UBR3: variants seen among roughly 807,000 people sequenced by gnomAD.
The protein encoded by UBR3 is E3 ubiquitin-protein ligase UBR3.
Under a neutral mutation model 243.2 loss-of-function variants are expected in UBR3, and 85 were observed. The ratio of observed to expected loss-of-function variants is 0.35; its 90% CI spans 0.29 to 0.42. The LOEUF is 0.42. Ranked by LOEUF, UBR3 falls within the 10% of genes least tolerant of loss-of-function variation. UBR3 has a pLI of 1.00. For missense variants in UBR3, 1,686 were observed against 2,300.8 expected (o/e 0.73, Z 5.47); for synonymous variants, 748 against 799.8 (o/e 0.94, Z 1.09).
intron 24 of UBR3, among the ~76,000 whole-genome samples, chr2:169,971,887 C>A (rs1223784165): frequency 6.6e-6 from 1 of 152,090 alleles, no homozygotes; most frequent in African/African-American, 2.4e-5. Context: ...CATTCAAAAG[C>A]TAACAGAAGG....
intron 35 of UBR3, among the ~76,000 whole-genome samples, chr2:170,070,271 C>CAA (rs1378540284): frequency 6.6e-6 from 1 of 152,004 alleles, no homozygotes; most frequent in East Asian, 1.9e-4. Context: ...TTTCATTTGT[C>CAA]AAAGAAAAGC....
chr2:169,958,724 T>G (rs1574286649), intron 24 of UBR3, among the ~76,000 whole-genome samples, 198 bp downstream of exon 24: 1 of 152,206 alleles, frequency 6.6e-6, no homozygotes, highest in East Asian at 1.9e-4. Context: ...TAGCTGTAAT[T>G]GTTAGGAAGT....
chr2:169,905,887 G>A (rs150478347), intron 9 of UBR3, 144 bp from the exon 10 acceptor site: 3 of 836,502 alleles, frequency 3.6e-6, no homozygotes, highest in Non-Finnish European at 4.9e-6. Flanking sequence ...TTCATTTTTA[G>A]TAATTTACTT....
intron 23 of UBR3, among the ~76,000 whole-genome samples, chr2:169,952,775 A>G (rs1221662001): frequency 6.6e-6 from 1 of 151,992 alleles, no homozygotes; most frequent in Non-Finnish European, 1.5e-5. Flanking sequence ...AGAATTCCTA[A>G]ATTGGAGTTA....
intron 11 of UBR3, among the ~76,000 whole-genome samples, chr2:169,915,483 G>A (rs192782845): frequency 1.5e-4 from 23 of 152,252 alleles, no homozygotes; most frequent in Non-Finnish European, 2.8e-4. Flanking sequence ...TGATTCACCC[G>A]CCTCAGCCTC....
intron 24 of UBR3, among the ~76,000 whole-genome samples, chr2:169,967,273 C>CA (rs527994143): frequency 0.031 from 4,558 of 146,172 alleles, 90 homozygotes; most frequent in Middle Eastern, 0.055. Context: ...CCGCCCCCCC[C>CA]CACACACAGT....
intron 5 of UBR3, among the ~76,000 whole-genome samples, chr2:169,890,567 G>GTATATA (rs1314543784): frequency 8.4e-5 from 5 of 59,536 alleles, no homozygotes; most frequent in African/African-American, 3.9e-4. Flanking sequence ...ATATATATGT[G>GTATATA]TATATATATA....
At chr2:169,906,569 A>G (rs2085017733) in intron 10 of UBR3, among the ~76,000 whole-genome samples, 1 of 151,894 alleles carries the variant, frequency 6.6e-6, no homozygotes, top group African/African-American at 2.4e-5. Flanking sequence ...ATATAATATT[A>G]TAAGCATTGG....
intron 1 of UBR3, among the ~76,000 whole-genome samples, chr2:169,869,129 T>C (rs2083350470): frequency 6.7e-6 from 1 of 150,322 alleles, no homozygotes; most frequent in Non-Finnish European, 1.5e-5. Context: ...GAACATTTCA[T>C]AAATGGTGTT....
At chr2:170,072,073 T>C (rs545645871) in intron 35 of UBR3, among the ~76,000 whole-genome samples, 216 of 152,220 alleles carry the variant, frequency 1.4e-3, no homozygotes, top group Non-Finnish European at 2.6e-3. Flanking sequence ...CATTACTGGG[T>C]ATATACCCAA....
intron 5 of UBR3, among the ~76,000 whole-genome samples, chr2:169,879,640 A>T (rs2083747126): frequency 6.6e-6 from 1 of 152,210 alleles, no homozygotes; most frequent in African/African-American, 2.4e-5. Flanking sequence ...AAATGGAGAT[A>T]ATAATAGTAC....
chr2:170,021,255 A>T (rs1384556583), intron 30 of UBR3, among the ~76,000 whole-genome samples: 1 of 152,146 alleles, frequency 6.6e-6, no homozygotes, highest in Non-Finnish European at 1.5e-5. Flanking sequence ...AGAAGGAGCA[A>T]GATAACACTT....
chr2:170,016,822 T>G, intron 30 of UBR3: 1 of 742,790 alleles, frequency 1.3e-6, no homozygotes, highest in South Asian at 3.4e-5. Flanking sequence ...TTGTTAAATT[T>G]ATACTTTCAG....
chr2:169,999,066 C>T (rs1335913785), intron 26 of UBR3, among the ~76,000 whole-genome samples: 1 of 152,188 alleles, frequency 6.6e-6, no homozygotes, highest in Admixed American at 6.5e-5. Flanking sequence ...GACTGGCAAA[C>T]TCAAATGTCT....
At chr2:169,898,328 G>A (rs554076989) in intron 8 of UBR3, among the ~76,000 whole-genome samples, 72 of 152,230 alleles carry the variant, frequency 4.7e-4, no homozygotes, top group African/African-American at 1.7e-3. Context: ...TCAGTGCAAG[G>A]CATAATGCGT....
intron 1 of UBR3, among the ~76,000 whole-genome samples, chr2:169,836,434 A>T (rs1323587485): frequency 6.6e-6 from 1 of 151,750 alleles, no homozygotes; most frequent in Non-Finnish European, 1.5e-5. Flanking sequence ...ACTTGGTGTT[A>T]ATGAGAACAC....
intron 20 of UBR3, among the ~76,000 whole-genome samples, chr2:169,942,932 G>A (rs1003854758): frequency 6.6e-6 from 1 of 152,254 alleles, no homozygotes; most frequent in East Asian, 1.9e-4. Context: ...GGTGTGGAAT[G>A]AGCTACAGGG....
chr2:170,011,777 T>C (rs978548126), intron 29 of UBR3, among the ~76,000 whole-genome samples: 2 of 152,140 alleles, frequency 1.3e-5, no homozygotes, highest in Admixed American at 6.5e-5. Flanking sequence ...TTAATCAAAA[T>C]CATTACATTC....
intron 1 of UBR3, among the ~76,000 whole-genome samples, chr2:169,867,357 C>A (rs142182620): frequency 1.3e-5 from 2 of 152,206 alleles, no homozygotes; most frequent in African/African-American, 4.8e-5. Flanking sequence ...TACTTCAGTG[C>A]TTATTGATCT....
Sources: allele counts gnomAD v4.1 joint callset (sites outside exome capture counted in the v4.1 genomes callset), GRCh38; gene constraint gnomAD v4.1.1; transcripts MANE v1.5; gene names NCBI Gene and HGNC (gene_info 2026-07-23, HGNC 2026-07-21).